CHTF18: variants seen among roughly 807,000 people sequenced by gnomAD.
CHTF18 encodes the protein chromosome transmission fidelity protein 18 homolog.
Under a neutral mutation model 113.4 loss-of-function variants are expected in CHTF18, and 151 were observed. The ratio of observed to expected loss-of-function variants is 1.33; its 90% CI spans 1.17 to 1.52. CHTF18 has a LOEUF of 1.52. Ranked by LOEUF, CHTF18 falls within the 40% of genes most tolerant of loss-of-function variation. The probability of loss-of-function intolerance (pLI) is 0.00; values close to 1 mark genes in which losing one functional copy is unlikely to be tolerated. For missense variants in CHTF18, 1,982 were observed against 1,381.6 expected, an observed-to-expected ratio of 1.43 and a Z score of -6.89; for synonymous variants, 916 against 598.8, an observed-to-expected ratio of 1.53 and a Z score of -7.74.
In CHTF18 at chr16:796,767, T is replaced by A; in HGVS notation, c.2507T>A (p.Leu836His). Reference sequence around the variant, plus strand: ...CCTGAGCTGCCTGCCCGCAAGCCCCTCACCTACCAGACGAAGCAGCTCATC... The same window carrying A: ...CCTGAGCTGCCTGCCCGCAAGCCCCACACCTACCAGACGAAGCAGCTCATC... ...RFPELPARKP[L>H]TYQTKQLIAR... Residue 836 changes from leucine (L) to histidine (H), a missense_variant, in exon 19 of 22, where the codon CTC (leucine) becomes CAC (histidine). By Grantham distance (99) the Leu-to-His change is moderately conservative (BLOSUM62 -3). Coordinates refer to ENST00000262315, the MANE Select transcript of CHTF18 (RefSeq NM_022092.3). 6.2e-7 allele frequency: 1 copy of A among 1,608,900 alleles called. No homozygotes were observed.
Position 795,707 on chromosome 16 carries a change from T to C in CHTF18, c.2198T>C (p.Met733Thr). Residue 733 changes from methionine to threonine, a missense_variant, in exon 17 of 22, where the codon ATG becomes ACG. Transcript: ENST00000262315. Reference sequence around the variant, plus strand: ...CAGGCCCAGAACCGGATGAGCCAGATGAGGAACCTGATCCAGACGCTGGTG... The same window carrying C: ...CAGGCCCAGAACCGGATGAGCCAGACGAGGAACCTGATCCAGACGCTGGTG... ...QQEAQNRMSQ[M>T]RNLIQTLVSG... is the part of the protein sequence containing the mutation. 1 of 1,601,942 alleles carries C rather than the reference T, an allele frequency of 6.2e-7. No homozygotes were observed. Among genetic ancestry groups the C allele is most frequent in the Non-Finnish European group, 8.5e-7 (1 of 1,176,748 alleles).
intron 14 of CHTF18, chr16:793,645 C>T (rs1400100056): frequency 5.7e-6 from 3 of 526,206 alleles, no homozygotes; most frequent in African/African-American, 1.9e-5. Flanking sequence ...ACTGCTTGGC[C>T]TCCCGTGGGC....
Position 789,082 on chromosome 16 carries a change from G to A in CHTF18, c.243G>A (p.Arg81=). 2 of 1,534,856 alleles carry A rather than the reference G, an allele frequency of 1.3e-6. No individual in the cohort carries two copies. The highest frequency in any genetic ancestry group is 2.4e-5 in the South Asian group (2 of 82,762). Residue 81 remains arginine, a synonymous_variant, in exon 2 of 22, where the codon AGG becomes AGA. Transcript: ENST00000262315. The part of the protein sequence containing the change: ...VGSSQGGARK[R]QVDADLQPAG... ...GCAGCCAGGGCGGCGCCAGGAAGAG[G>A]CAGGTGGACGCCGACCTGCAGCCGG...
In CHTF18 at chr16:793,873, CA is replaced by C. The variant is rs1376573475; in HGVS notation, c.1803-180del. 3 of 675,818 alleles carry C rather than the reference CA, an allele frequency of 4.4e-6. No individual in the cohort carries two copies. In the African/African-American group the frequency reaches 5.4e-5, roughly 12 times the overall value. The allele number at this position is 675,818 out of a possible 1,614,324, so 41.9% of individuals were successfully genotyped here. On this transcript the variant is annotated intron_variant, in intron 14 of 21. Transcript: ENST00000262315. ...GGCTCCTCGGCTTAAGGGAATGTTT[CA>C]GGGGGTTGAGGTCCGGGCGTGTCTT...
Position 789,666 on chromosome 16 carries a change from T to G in CHTF18, c.557T>G (p.Val186Gly), listed in dbSNP as rs114985156. 2,158 of 1,603,172 alleles carry G rather than the reference T, an allele frequency of 1.3e-3. 37 individuals carry two copies. In the African/African-American group the frequency reaches 0.025, roughly 19 times the overall value. ...GTCCACGTGACATCCACGGAGGGCG[T>G]CCGGGCTTATCTGGTGCTGCGTGCT... is the stretch of plus-strand genomic sequence containing the variant. ...DYVHVTSTEG[V>G]RAYLVLRADP... The change falls in exon 4 of 22, where the codon GTC becomes GGC. Residue 186 changes from valine to glycine, a missense_variant. Physicochemically the swap from Val to Gly is moderately radical, Grantham distance 109. Coordinates refer to ENST00000262315, the MANE Select transcript of CHTF18 (RefSeq NM_022092.3).
rs1444880685 is a variant in CHTF18, at chr16:789,518, T to C, written c.438-29T>C. The C allele has an allele frequency of 1.9e-6, 3 of 1,572,660 alleles. No homozygotes were observed. The South Asian group carries it at 3.4e-5, about 18-fold the overall frequency. ...CCAAGGGTGACCCCACGCTTGAGTT[T>C]CTGCCACTGAGCCCCGGTCTCTCTC... On this transcript the variant is annotated intron_variant, in intron 3 of 21. Transcript: ENST00000262315.
In CHTF18 at chr16:789,848, T is replaced by C. The variant is rs1281479654; in HGVS notation, c.606+133T>C. On this transcript the variant is annotated intron_variant, in intron 4 of 21. Coordinates refer to ENST00000262315, the MANE Select transcript of CHTF18 (RefSeq NM_022092.3). ...GCCCCAGGGGTGCAGAGGGGGAGGC[T>C]GCGTCATGGGGCGTAGACTTAGAGG... 6.0e-6 allele frequency: 8 copies of C among 1,329,282 alleles called. No homozygotes were observed. In the Admixed American group the frequency reaches 1.3e-4, roughly 22 times the overall value. The allele number at this position is 1,329,282 out of a possible 1,614,324, so 82.3% of individuals were successfully genotyped here.
At chr16:792,897 A>G (rs548680069) in intron 12 of CHTF18, 69 bp from the exon 13 acceptor site, 14 of 1,533,042 alleles carry the variant, frequency 9.1e-6, no homozygotes, top group Admixed American at 7.9e-5. Flanking sequence ...GCCCCTCCCC[A>G]TGGAACCCTG....
In CHTF18 at chr16:793,195, A is replaced by G; in HGVS notation, c.1723A>G (p.Thr575Ala). The stretch of plus-strand genomic sequence containing the variant: ...GCTGAGCGTGCGGGACGTGCAGGCC[A>G]CACGCGTGGGCCTCAAGGACCAGCG... ...RELSVRDVQA[T>A]RVGLKDQRRG... is the part of the protein sequence containing the mutation. The change falls in exon 14 of 22, where the codon ACA becomes GCA. Residue 575 changes from threonine (T) to alanine (A), a missense_variant. Thr to Ala is a moderately conservative substitution (Grantham distance 58). Transcript: ENST00000262315. 1 of 1,608,230 alleles carries G rather than the reference A, an allele frequency of 6.2e-7. No homozygotes were observed. Among genetic ancestry groups the G allele is most frequent in the Non-Finnish European group, 8.5e-7 (1 of 1,178,564 alleles).
At chr16:797,131 A>T in intron 20 of CHTF18, 39 bp downstream of exon 20, 2 of 1,481,868 alleles carry the variant, frequency 1.3e-6, no homozygotes, top group Non-Finnish European at 1.8e-6. Flanking sequence ...ACCAGGGTAC[A>T]TACCTTTGGG....
In CHTF18 at chr16:795,165, C is replaced by T. The variant is rs983508807; in HGVS notation, c.1984C>T (p.Arg662Ter). Reference sequence around the variant, plus strand: ...TGACAACTTCCTGCGTCTGCGGCTGCGAGACTCCAGCCTGGGTGCTGTGTG... The same window carrying T: ...TGACAACTTCCTGCGTCTGCGGCTGTGAGACTCCAGCCTGGGTGCTGTGTG... ...LFDNFLRLRL[R>*]DSSLGAVCVA... Residue 662 changes from arginine to a stop codon, truncating the protein, a stop_gained, in exon 16 of 22, where the codon CGA becomes TGA. Coordinates refer to ENST00000262315, the MANE Select transcript of CHTF18 (RefSeq NM_022092.3). LOFTEE classifies it high-confidence loss of function. The T allele has an allele frequency of 7.1e-6, 11 of 1,555,242 alleles. No individual in the cohort carries two copies. Among genetic ancestry groups the T allele is most frequent in the Admixed American group, 5.7e-5 (3 of 52,332 alleles).
In CHTF18 at chr16:792,612, A is replaced by C. The variant is rs750824963; in HGVS notation, c.1478+22A>C. 2.5e-6 allele frequency: 4 copies of C among 1,591,720 alleles called. 1 individual carries two copies. The South Asian group carries it at 4.5e-5, about 18-fold the overall frequency. On this transcript the variant is annotated intron_variant, in intron 11 of 21. Coordinates refer to ENST00000262315, the MANE Select transcript of CHTF18 (RefSeq NM_022092.3). ...ACCAGTGAGTGCATGGGCGGGCGCC[A>C]CAGTCAGGAGAGGCTCTGGTGCCTG...
rs1218200058 is a variant in CHTF18, at chr16:793,031, C to T, written c.1638C>T (p.Asp546=). The T allele has an allele frequency of 3.8e-6, 6 of 1,564,848 alleles. No homozygotes were observed. Among genetic ancestry groups the T allele is most frequent in the African/African-American group, 1.4e-5 (1 of 73,668 alleles). The change falls in exon 13 of 22, where the codon GAC becomes GAT. Residue 546 remains aspartate, a synonymous_variant. Transcript: ENST00000262315. ...TGGCCGCCCTCTGTGAGAAAACTGA[C>T]AATGACATCCGGGCCTGCATCAACA... The part of the protein sequence containing the change: ...GVLAALCEKT[D]NDIRACINTL...
rs1201845359 is a variant in CHTF18 at position 795,699 on chromosome 16, G to A, written c.2190G>A (p.Met730Ile). The change falls in exon 17 of 22, where the codon ATG becomes ATA. Residue 730 changes from methionine (M) to isoleucine (I), a missense_variant. Physicochemically the swap from Met to Ile is conservative, Grantham distance 10 (BLOSUM62 1). Coordinates refer to ENST00000262315, the MANE Select transcript of CHTF18 (RefSeq NM_022092.3). ...PSSQQEAQNR[M>I]SQMRNLIQTL... ...CCCTGCCCCAGGCCCAGAACCGGATGAGCCAGATGAGGAACCTGATCCAGA... is the reference window on the plus strand; with the variant it reads ...CCCTGCCCCAGGCCCAGAACCGGATAAGCCAGATGAGGAACCTGATCCAGA... The A allele has an allele frequency of 1.9e-6, 3 of 1,599,966 alleles. No individual in the cohort carries two copies. Among genetic ancestry groups the A allele is most frequent in the African/African-American group, 2.8e-5 (2 of 70,768 alleles).
chr16:793,305 G>T, intron 14 of CHTF18, 31 bp downstream of exon 14: 1 of 1,601,886 alleles, frequency 6.2e-7, no homozygotes. Flanking sequence ...CGGCCCAGAT[G>T]CTCACGGTGC....
At chr16:796,328 C>CG (rs1182969165) in intron 18 of CHTF18, among the ~76,000 whole-genome samples, 1 of 152,018 alleles carries the variant, frequency 6.6e-6, no homozygotes, top group Non-Finnish European at 1.5e-5. Context: ...GAACTGGAGC[C>CG]GGGGGCCCCG....
Position 793,134 on chromosome 16 carries a change from C to T in CHTF18, c.1672-10C>T, listed in dbSNP as rs1239406195. On this transcript the variant is annotated splice_polypyrimidine_tract_variant and intron_variant, in intron 13 of 21. Transcript: ENST00000262315. ...GTTGGCCGCTTCTCATGCCCCCGCCCTATGTCTAGTTCCTGTACAGCCGGG... is the reference window on the plus strand; with the variant it reads ...GTTGGCCGCTTCTCATGCCCCCGCCTTATGTCTAGTTCCTGTACAGCCGGG... The T allele has an allele frequency of 3.8e-6, 6 of 1,593,808 alleles. No individual in the cohort carries two copies. Among genetic ancestry groups the T allele is most frequent in the Non-Finnish European group, 3.4e-6 (4 of 1,171,676 alleles).
rs369600585 is a variant in CHTF18, at chr16:795,818, C to G, written c.2309C>G (p.Ala770Gly). 6.2e-6 allele frequency: 10 copies of G among 1,609,624 alleles called. No homozygotes were observed. The African/African-American group carries it at 8.1e-5, about 13-fold the overall frequency. The change falls in exon 17 of 22, where the codon GCA (alanine) becomes GGA (glycine). Residue 770 changes from alanine to glycine, a missense_variant. By Grantham distance (60) the Ala-to-Gly change is moderately conservative (BLOSUM62 0). Transcript: ENST00000262315. The stretch of plus-strand genomic sequence containing the variant: ...CTCTGCCTGCTCCTGGACATTCTTG[C>G]ACCCAAGCTCCGCCCCGTGAGTGCC... Reference protein sequence around the residue: ...DALCLLLDILAPKLRPVSTQL... With the variant: ...DALCLLLDILGPKLRPVSTQL...
At chr16:795,390 C>A (rs1287726232) in intron 16 of CHTF18, 34 bp downstream of exon 16, 1 of 1,512,924 alleles carries the variant, frequency 6.6e-7, no homozygotes, top group South Asian at 1.2e-5. Context: ...CTGCCCCCGG[C>A]CCCGTGCCCG....
Sources: gnomAD v4.1 joint callset for allele counts (sites outside exome capture counted in the v4.1 genomes callset) on GRCh38, gnomAD v4.1.1 for gene constraint, MANE v1.5 for transcripts, NCBI Gene and HGNC (gene_info 2026-07-23, HGNC 2026-07-21) for gene names.